The following LRRC27 variants were observed in gnomAD, a reference collection of about 807,000 sequenced individuals.
LRRC27 encodes leucine-rich repeat-containing protein 27.
Under a neutral mutation model 55.0 loss-of-function variants are expected in LRRC27, and 57 were observed. The observed-to-expected ratio is 1.04, with a 90% CI of 0.84 to 1.29. LRRC27 has a LOEUF of 1.29. Among genes scored for constraint, LRRC27 ranks in the 50% most tolerant of loss-of-function variants. The probability of loss-of-function intolerance (pLI) is 0.00; values close to 1 mark genes in which losing one functional copy is unlikely to be tolerated. For synonymous variants in LRRC27, 278 were observed against 251.9 expected (o/e 1.10, Z -0.98); for missense variants, 721 against 651.5 (o/e 1.11, Z -1.16).
chr10:132,338,295 G>A (rs2067226552), intron 3 of LRRC27, among the ~76,000 whole-genome samples: 1 of 152,150 alleles, frequency 6.6e-6, no homozygotes, highest in African/African-American at 2.4e-5. Flanking sequence ...CAGTCTGGGT[G>A]ACAGAGTAAG....
Position 132,364,373 on chromosome 10 carries a change from C to CCACACTTACATCTACCTCCA in LRRC27, c.1290-1048_1290-1047insACTTACATCTACCTCCACAC, listed in dbSNP as rs1564852906. ...TCTACCTCCACACCCGCGCTTACAC[C>CCACACTTACATCTACCTCCA]CACCCACACTTACACCCACCCTTAC... is the stretch of plus-strand genomic sequence containing the variant. On this transcript the variant is annotated intron_variant, in intron 9 of 10. Coordinates refer to ENST00000368614, the MANE Select transcript of LRRC27 (RefSeq NM_030626.3). Among the ~76,000 whole-genome samples, 102 of 21,016 alleles carry CCACACTTACATCTACCTCCA rather than the reference C, an allele frequency of 4.9e-3. 11 individuals carry two copies. The highest frequency in any genetic ancestry group is 0.019 in the African/African-American group (92 of 4,840). 13.8% of individuals were successfully genotyped at this position (21,016 alleles called of 152,430 possible).
intron 8 of LRRC27, among the ~76,000 whole-genome samples, chr10:132,357,846 T>C (rs941031207): frequency 1.3e-5 from 2 of 152,238 alleles, no homozygotes; most frequent in African/African-American, 2.4e-5. Flanking sequence ...GCACAGGCCC[T>C]GCCCACGGGA....
At chr10:132,354,971 T>C (rs2497645) in intron 7 of LRRC27, among the ~76,000 whole-genome samples, 58,377 of 152,176 alleles carry the variant, frequency 0.38, 11,438 homozygotes, top group Middle Eastern at 0.43. Flanking sequence ...CAGCCGCAGA[T>C]GTGGGCGTTA....
chr10:132,346,448 G>A (rs182829781), intron 5 of LRRC27, among the ~76,000 whole-genome samples: 75 of 152,232 alleles, frequency 4.9e-4, no homozygotes, highest in African/African-American at 1.7e-3. Context: ...AGGCCGAGGC[G>A]GGCGGATCAC....
At chr10:132,336,216 T>TG (rs113218316) in intron 2 of LRRC27, among the ~76,000 whole-genome samples, 78 of 151,812 alleles carry the variant, frequency 5.1e-4, no homozygotes, top group African/African-American at 9.7e-4. Context: ...CAGCTTGCCC[T>TG]GGGGGGGGAA....
chr10:132,340,056 A>G (rs2138650040), intron 3 of LRRC27, among the ~76,000 whole-genome samples: 1 of 152,342 alleles, frequency 6.6e-6, no homozygotes, highest in East Asian at 1.9e-4. Context: ...CGGTGTTAGC[A>G]TGCCACCTTC....
At chr10:132,365,068 G>C (rs1031396575) in intron 9 of LRRC27, among the ~76,000 whole-genome samples, 1 of 152,268 alleles carries the variant, frequency 6.6e-6, no homozygotes, top group African/African-American at 2.4e-5. Flanking sequence ...TATTCCATGT[G>C]GGAACAGAAA....
At chr10:132,371,544 A>T (rs917405047) in intron 10 of LRRC27, among the ~76,000 whole-genome samples, 2 of 152,166 alleles carry the variant, frequency 1.3e-5, no homozygotes, top group African/African-American at 4.8e-5. Flanking sequence ...GGATGAGGAA[A>T]TGGAGAGGAG....
At chr10:132,332,458 G>A (rs1241762636) in intron 1 of LRRC27, 1 of 152,460 alleles carries the variant, frequency 6.6e-6, no homozygotes, top group East Asian at 1.9e-4. Context: ...TCGAGGCAGG[G>A]AGCGGGGGTG....
intron 7 of LRRC27, among the ~76,000 whole-genome samples, chr10:132,354,150 G>A (rs2068197282): frequency 6.6e-6 from 1 of 152,220 alleles, no homozygotes; most frequent in Non-Finnish European, 1.5e-5. Flanking sequence ...GGGGCAGAAA[G>A]GGCACTCTTA....
At position 132,347,892 on chromosome 10, in the gene LRRC27, C is replaced by T. The variant is rs979998509; in HGVS notation, c.554-92C>T. The T allele has an allele frequency of 8.9e-6, 13 of 1,467,200 alleles. No individual in the cohort carries two copies. In the East Asian group the frequency reaches 3.0e-4, roughly 34 times the overall value. The allele number at this position is 1,467,200 out of a possible 1,614,324, so 90.9% of individuals were successfully genotyped here. A position where few individuals can be genotyped will look rare whatever the true frequency, so the allele number is the denominator to read the frequency against. On this transcript the variant is annotated intron_variant, in intron 5 of 10. Coordinates refer to ENST00000368614, the MANE Select transcript of LRRC27 (RefSeq NM_030626.3). ...GCCATGGAGGATCTGGGCACCCCAC[C>T]CCCCACCATCCAGGCCGTCACTGGC...
chr10:132,364,728 A>G (rs550068741), intron 9 of LRRC27, among the ~76,000 whole-genome samples: 1 of 6,962 alleles, frequency 1.4e-4, no homozygotes, highest in African/African-American at 2.9e-4. Context: ...GTCCGCGTCC[A>G]CACTTACATC....
chr10:132,369,107 C>G (rs1590733851), intron 10 of LRRC27, among the ~76,000 whole-genome samples: 1 of 152,244 alleles, frequency 6.6e-6, no homozygotes, highest in East Asian at 1.9e-4. Context: ...TCAAAAAATC[C>G]AAAACACTCA....
At chr10:132,347,661 A>AGGGTCAGGTGCGCCCGGTGGTGCCTGC (rs2067780324) in intron 5 of LRRC27, among the ~76,000 whole-genome samples, 1 of 140,846 alleles carries the variant, frequency 7.1e-6, no homozygotes, top group South Asian at 2.5e-4. Context: ...TGGGGCCTGC[A>AGGGTCAGGTGCGCCCGGTGGTGCCTGC]GGGGAGGGTC....
intron 4 of LRRC27, 39 bp from the exon 5 acceptor site, chr10:132,344,459 T>C (rs1416421918): frequency 4.4e-6 from 7 of 1,580,480 alleles, no homozygotes; most frequent in Non-Finnish European, 6.1e-6. Context: ...TCAAGAATGG[T>C]ATATAGAATG....
upstream of LRRC27, chr10:132,331,772 C>T (rs1399276962): frequency 6.2e-7 from 1 of 1,609,342 alleles, no homozygotes; most frequent in Admixed American, 1.7e-5. Context: ...CCAGGCCGGT[C>T]GCCCCTCCAG....
chr10:132,349,015 C>G lies in LRRC27; in HGVS notation c.926+659C>G, dbSNP rs770817098. 1.4e-5 allele frequency: 23 copies of G among 1,611,106 alleles called. 1 individual carries two copies. In the South Asian group the frequency reaches 2.1e-4, roughly 15 times the overall value. On this transcript the variant is annotated intron_variant, in intron 6 of 10. Coordinates refer to ENST00000368614, the MANE Select transcript of LRRC27 (RefSeq NM_030626.3). ...GCAGAGACTACATGAGAGAAAAACT[C>G]GAATCATGGGCGTGGTAGGGCGTGC...
intron 8 of LRRC27, among the ~76,000 whole-genome samples, chr10:132,358,260 G>A (rs112775526): frequency 0.022 from 3,356 of 152,238 alleles, 121 homozygotes; most frequent in African/African-American, 0.075. Flanking sequence ...TAGGGTGGAC[G>A]TGAGGCGCCT....
At chr10:132,365,659 T>G (rs2069044122) in intron 10 of LRRC27, 109 bp downstream of exon 10, 1 of 1,380,988 alleles carries the variant, frequency 7.2e-7, no homozygotes, top group Non-Finnish European at 9.7e-7. Flanking sequence ...TGGAGTGCGG[T>G]GGCACAATCT....
Sources: gnomAD v4.1 joint callset for allele counts (sites outside exome capture counted in the v4.1 genomes callset) on GRCh38, gnomAD v4.1.1 for gene constraint, MANE v1.5 for transcripts, NCBI Gene and HGNC (gene_info 2026-07-23, HGNC 2026-07-21) for gene names.